The following ADGRL3 variants were observed in gnomAD, a reference collection of about 807,000 sequenced individuals.
ADGRL3 encodes the protein adhesion G protein-coupled receptor L3.
ADGRL3 carries 62 observed loss-of-function variants against 153.5 expected under a neutral mutation model. The observed-to-expected ratio is 0.40, with a 90% CI of 0.33 to 0.50. The LOEUF (loss-of-function observed/expected upper bound fraction) is 0.50, where lower values mean the gene tolerates loss of function less well. Among genes scored for constraint, ADGRL3 ranks in the 20% least tolerant of loss-of-function variants. The pLI is 0.47. For synonymous variants in ADGRL3, 710 were observed against 672.5 expected (o/e 1.06, Z -0.86); for missense variants, 1,641 against 1,859.4 (o/e 0.88, Z 2.16).
chr4:61,593,149 T>TC (rs2098976135), intron 5 of ADGRL3, among the ~76,000 whole-genome samples: 1 of 152,204 alleles, frequency 6.6e-6, no homozygotes, highest in Non-Finnish European at 1.5e-5. Context: ...CACTTTAACT[T>TC]CATCCTCCCA....
At chr4:61,215,533 A>G (rs1451957106) in intron 1 of ADGRL3, among the ~76,000 whole-genome samples, 2 of 132,088 alleles carry the variant, frequency 1.5e-5, no homozygotes, top group African/African-American at 2.8e-5. Flanking sequence ...GCTGCCTTCT[A>G]TTATGGAATT....
chr4:61,734,989 C>T (rs1580515487), intron 8 of ADGRL3, among the ~76,000 whole-genome samples: 2 of 152,282 alleles, frequency 1.3e-5, no homozygotes, highest in East Asian at 3.9e-4. Flanking sequence ...TTATTTTCTG[C>T]ATTATGTTTC....
At chr4:61,592,052 G>T (rs536877430) in intron 5 of ADGRL3, among the ~76,000 whole-genome samples, 3 of 144,442 alleles carry the variant, frequency 2.1e-5, no homozygotes, top group Admixed American at 7.1e-5. Flanking sequence ...ACTTAGCCTG[G>T]GTGACAGAAT....
chr4:61,806,060 T>C (rs1244173268), intron 8 of ADGRL3, among the ~76,000 whole-genome samples: 1 of 152,196 alleles, frequency 6.6e-6, no homozygotes, highest in Admixed American at 6.5e-5. Flanking sequence ...TTTTATGTCA[T>C]TGATGTGTGT....
chr4:61,397,021 T>TTAG (rs1256608371), intron 2 of ADGRL3, among the ~76,000 whole-genome samples: 5 of 151,244 alleles, frequency 3.3e-5, no homozygotes, highest in Non-Finnish European at 7.4e-5. Flanking sequence ...TTATATTTTA[T>TTAG]TAGTTTTCTA....
At chr4:61,378,077 A>G (rs552351856) in intron 1 of ADGRL3, among the ~76,000 whole-genome samples, 1 of 151,870 alleles carries the variant, frequency 6.6e-6, no homozygotes, top group South Asian at 2.1e-4. Context: ...TCATCCTTTT[A>G]TATTTACTAA....
At chr4:61,270,921 ACT>A (rs2093137572) in intron 1 of ADGRL3, among the ~76,000 whole-genome samples, 1 of 151,728 alleles carries the variant, frequency 6.6e-6, no homozygotes, top group Non-Finnish European at 1.5e-5. Flanking sequence ...ACTTTGGAAA[ACT>A]CTGTCTCATA....
chr4:61,982,151 G>C (rs991623751), intron 18 of ADGRL3, among the ~76,000 whole-genome samples: 1 of 152,104 alleles, frequency 6.6e-6, no homozygotes, highest in African/African-American at 2.4e-5. Flanking sequence ...TTCATTTAGA[G>C]ACCTTATTCT....
At chr4:61,532,575 T>TG (rs1560795184) in intron 4 of ADGRL3, among the ~76,000 whole-genome samples, 2 of 149,154 alleles carry the variant, frequency 1.3e-5, no homozygotes, top group African/African-American at 2.5e-5. Flanking sequence ...TGTGTGTGTG[T>TG]TTAAGGAATT....
At chr4:61,960,782 C>T (rs1279865332) in intron 17 of ADGRL3, among the ~76,000 whole-genome samples, 1 of 152,102 alleles carries the variant, frequency 6.6e-6, no homozygotes, top group Non-Finnish European at 1.5e-5. Flanking sequence ...ACAATCTCGG[C>T]TCACTGCAAG....
chr4:61,798,576 A>G (rs996256698), intron 8 of ADGRL3, among the ~76,000 whole-genome samples: 1 of 151,848 alleles, frequency 6.6e-6, no homozygotes, highest in African/African-American at 2.4e-5. Context: ...AACCAAGGAA[A>G]GTAGGACTCA....
chr4:61,285,112 C>T (rs878969323), intron 1 of ADGRL3, among the ~76,000 whole-genome samples: 6 of 151,684 alleles, frequency 4.0e-5, no homozygotes, highest in Non-Finnish European at 8.9e-5. Context: ...GAAAAAAATA[C>T]GACCCTGGCT....
chr4:61,492,312 G>A (rs1176746312), intron 2 of ADGRL3, among the ~76,000 whole-genome samples: 1 of 152,010 alleles, frequency 6.6e-6, no homozygotes, highest in East Asian at 1.9e-4. Flanking sequence ...TTAAGAGTTG[G>A]GGAAATTTAA....
chr4:61,662,007 T>C (rs2094608460), intron 5 of ADGRL3, among the ~76,000 whole-genome samples: 1 of 152,210 alleles, frequency 6.6e-6, no homozygotes, highest in African/African-American at 2.4e-5. Flanking sequence ...AAGCAGGTTG[T>C]AGTAGTGAAG....
intron 4 of ADGRL3, among the ~76,000 whole-genome samples, chr4:61,536,234 G>A (rs543769239): frequency 6.6e-6 from 1 of 152,106 alleles, no homozygotes; most frequent in South Asian, 2.1e-4. Flanking sequence ...ATTCCGCTGT[G>A]GTCTAAGATG....
chr4:61,357,833 A>G (rs943246590), intron 1 of ADGRL3, among the ~76,000 whole-genome samples: 4 of 152,178 alleles, frequency 2.6e-5, no homozygotes, highest in Non-Finnish European at 5.9e-5. Context: ...GAACACTTCT[A>G]TGAAAAAAAA....
At chr4:61,547,073 A>G (rs529095254) in intron 4 of ADGRL3, among the ~76,000 whole-genome samples, 1 of 152,316 alleles carries the variant, frequency 6.6e-6, no homozygotes, top group South Asian at 2.1e-4. Context: ...TACTATAGAA[A>G]GCATTGTGTA....
chr4:61,409,404 A>ATAT (rs1560587660), intron 2 of ADGRL3, among the ~76,000 whole-genome samples: 1 of 137,894 alleles, frequency 7.3e-6, no homozygotes, highest in African/African-American at 2.6e-5. Context: ...AGACATACAT[A>ATAT]ATATATATAT....
At chr4:61,638,955 T>C (rs2093548685) in intron 5 of ADGRL3, among the ~76,000 whole-genome samples, 2 of 152,178 alleles carry the variant, frequency 1.3e-5, no homozygotes, top group African/African-American at 4.8e-5. Context: ...ATATGTGAAG[T>C]AGTTCTTTTT....
Sources: gnomAD v4.1 joint callset for allele counts (sites outside exome capture counted in the v4.1 genomes callset) on GRCh38, gnomAD v4.1.1 for gene constraint, MANE v1.5 for transcripts, NCBI Gene and HGNC (gene_info 2026-07-23, HGNC 2026-07-21) for gene names.